CDK10: variants seen among roughly 807,000 people sequenced by gnomAD.
CDK10 encodes the protein cyclin-dependent kinase 10.
CDK10 carries 55 observed loss-of-function variants against 51.0 expected under a neutral mutation model. The ratio of observed to expected loss-of-function variants is 1.08; its 90% confidence interval spans 0.87 to 1.35. The LOEUF (loss-of-function observed/expected upper bound fraction) is 1.35, where lower values mean the gene tolerates loss of function less well. CDK10 is among the 40% of genes most tolerant of loss of function. CDK10 has a pLI of 0.00. For synonymous variants in CDK10, 255 were observed against 199.1 expected, an observed-to-expected ratio of 1.28 and a Z score of -2.36; for missense variants, 589 against 485.1, an observed-to-expected ratio of 1.21 and a Z score of -2.01.
At chr16:89,688,645 G>A (rs976647677) in intron 1 of CDK10, among the ~76,000 whole-genome samples, 5 of 152,150 alleles carry the variant, frequency 3.3e-5, no homozygotes, top group Non-Finnish European at 1.5e-5. Flanking sequence ...ACTGGGTAGC[G>A]TTTCATAACT....
rs907552522 is a variant in CDK10, at chr16:89,695,024, G to C, written c.886G>C (p.Gly296Arg). 1.2e-6 allele frequency: 2 copies of C among 1,613,232 alleles called. No homozygotes were observed. The highest frequency in any genetic ancestry group is 2.2e-5 in the East Asian group (1 of 44,888). Residue 296 changes from glycine to arginine, a missense_variant, in exon 11 of 13, where the codon GGG becomes CGG. By Grantham distance (125) the Gly-to-Arg change is moderately radical (BLOSUM62 -2). Coordinates refer to ENST00000353379, the MANE Select transcript of CDK10 (RefSeq NM_052988.5). ...CAAGTTCCCATGGCTGTCGGAGGCC[G>C]GGCTGCGCCTGCTGCACTTCCTGTT... is the stretch of plus-strand genomic sequence containing the variant. ...KHKFPWLSEAGLRLLHFLFMY... is the reference protein window; with the variant it reads ...KHKFPWLSEARLRLLHFLFMY...
Position 89,691,805 on chromosome 16 carries a change from G to A in CDK10, c.336-1G>A. ...TGGCATGCATCTTCTGTTTCTTCCA[G>A]CATCTTCCTGGTGATGGGTTACTGT... On this transcript the variant is annotated splice_acceptor_variant, in intron 4 of 12. Coordinates refer to ENST00000353379, the MANE Select transcript of CDK10 (RefSeq NM_052988.5). LOFTEE classifies it high-confidence loss of function. 3.1e-6 allele frequency: 5 copies of A among 1,613,788 alleles called. No individual in the cohort carries two copies. The highest frequency in any genetic ancestry group is 4.2e-6 in the Non-Finnish European group (5 of 1,179,792).
chr16:89,693,613 C>G, intron 8 of CDK10, 146 bp downstream of exon 8: 1 of 777,140 alleles, frequency 1.3e-6, no homozygotes. Flanking sequence ...GGGTCTAGGA[C>G]AGCCTCCAGG....
Position 89,691,480 on chromosome 16 carries a change from G to T in CDK10, c.270G>T (p.Leu90=). 1 of 1,613,630 alleles carries T rather than the reference G, an allele frequency of 6.2e-7. No individual in the cohort carries two copies. Among genetic ancestry groups the T allele is most frequent in the Non-Finnish European group, 8.5e-7 (1 of 1,179,842 alleles). The change falls in exon 4 of 13, where the codon CTG becomes CTT. Residue 90 remains leucine, a synonymous_variant. Coordinates refer to ENST00000353379, the MANE Select transcript of CDK10 (RefSeq NM_052988.5). ...GCAGCTTGCGGGAGATCACGCTGCT[G>T]CTCCGCCTGCGTCATCCGAACATCG... ...PISSLREITL[L]LRLRHPNIVE...
At chr16:89,693,726 G>T in intron 8 of CDK10, 2 of 574,030 alleles carry the variant, frequency 3.5e-6, no homozygotes, top group Non-Finnish European at 3.1e-6. Context: ...AAACACCGTG[G>T]CCGTGAAACC....
intron 6 of CDK10, 47 bp downstream of exon 6, chr16:89,692,563 C>A: frequency 6.9e-7 from 1 of 1,452,436 alleles, no homozygotes; most frequent in Non-Finnish European, 9.4e-7. Context: ...CGGCTGAGGC[C>A]TAACTCTGCT....
chr16:89,688,141 G>A (rs1049491971), intron 1 of CDK10, among the ~76,000 whole-genome samples: 2 of 147,684 alleles, frequency 1.4e-5, no homozygotes, highest in Non-Finnish European at 1.5e-5. Context: ...GAGTGCAGTG[G>A]CGCAGTCTCG....
chr16:89,694,595 G>C (rs1230303919), intron 9 of CDK10, 70 bp from the exon 10 acceptor site: 16 of 1,546,050 alleles, frequency 1.0e-5, no homozygotes, highest in Non-Finnish European at 1.4e-5. Flanking sequence ...GCTGCAGTCA[G>C]GTCCTCTGTT....
Position 89,695,086 on chromosome 16 carries a change from C to CG in CDK10, c.932+22dup, listed in dbSNP as rs531781901. 7,416 of 1,607,454 alleles carry CG rather than the reference C, an allele frequency of 4.6e-3. 28 individuals are homozygous for CG. Among genetic ancestry groups the CG allele is most frequent in the Middle Eastern group, 5.5e-3 (33 of 6,052 alleles). On this transcript the variant is annotated intron_variant, in intron 11 of 12. Coordinates refer to ENST00000353379, the MANE Select transcript of CDK10 (RefSeq NM_052988.5). ...CTAAGAAAAGGTGCTGATCTCTGCACGGGGGGCAGGGACCCTCACCACCCA... is the reference window on the plus strand; with the variant it reads ...CTAAGAAAAGGTGCTGATCTCTGCACGGGGGGGCAGGGACCCTCACCACCCA...
In CDK10 at chr16:89,696,353, G is replaced by C; in HGVS notation, c.*661G>C. ...TTGTTGGATAAAAGCTTTTTTAACAGACATGGTTTCACCAGCGTTTAATGT... is the reference window on the plus strand; with the variant it reads ...TTGTTGGATAAAAGCTTTTTTAACACACATGGTTTCACCAGCGTTTAATGT... On this transcript the variant is annotated 3_prime_UTR_variant, in exon 13 of 13. Transcript: ENST00000353379. The C allele has an allele frequency of 5.0e-6, 1 of 201,152 alleles. No homozygotes were observed. The highest frequency in any genetic ancestry group is 1.2e-4 in the South Asian group (1 of 8,466). The allele number at this position is 201,152 out of a possible 1,614,324, so 12.5% of individuals were successfully genotyped here.
chr16:89,690,708 T>C, intron 3 of CDK10, 84 bp downstream of exon 3: 11 of 1,204,714 alleles, frequency 9.1e-6, no homozygotes, highest in Non-Finnish European at 9.9e-6. Context: ...TCAGAGCGAC[T>C]GCACGGTGCT....
At chr16:89,689,542 T>A in intron 2 of CDK10, 1 of 567,876 alleles carries the variant, frequency 1.8e-6, no homozygotes, top group East Asian at 3.0e-5. Flanking sequence ...CTAATGCCCA[T>A]AATCCAAACG....
chr16:89,690,692 G>A (rs1264190123), intron 3 of CDK10, 68 bp downstream of exon 3: 2 of 1,378,596 alleles, frequency 1.5e-6, no homozygotes, highest in Non-Finnish European at 2.1e-6. Context: ...GTTACCTGAA[G>A]TTTCCTCAGA....
In CDK10 at chr16:89,695,803, C is replaced by G. The variant is rs745633622; in HGVS notation, c.*111C>G. The G allele has an allele frequency of 1.9e-6, 3 of 1,559,366 alleles. No individual in the cohort carries two copies. The South Asian group carries it at 3.5e-5, about 18-fold the overall frequency. ...AGGCGCCCGGGATCCAGCTCATCCC[C>G]TTGGCTGGGAACATCCTCCACTGAC... On this transcript the variant is annotated 3_prime_UTR_variant, in exon 13 of 13. Coordinates refer to ENST00000353379, the MANE Select transcript of CDK10 (RefSeq NM_052988.5).
At position 89,690,383 on chromosome 16, in the gene CDK10, C is replaced by G. The variant is rs552151347; in HGVS notation, c.161-170C>G. Reference sequence around the variant, plus strand: ...AATGAGGAAACCCTCCGGGGGAACGCGTCTCGGGCTAGGGGCGTTGCACAG... The same window carrying G: ...AATGAGGAAACCCTCCGGGGGAACGGGTCTCGGGCTAGGGGCGTTGCACAG... On this transcript the variant is annotated intron_variant, in intron 2 of 12. Coordinates refer to ENST00000353379, the MANE Select transcript of CDK10 (RefSeq NM_052988.5). 1.3e-5 allele frequency: 8 copies of G among 634,462 alleles called. No individual in the cohort carries two copies. The Admixed American group carries it at 1.7e-4, about 13-fold the overall frequency. 39.3% of individuals were successfully genotyped at this position (634,462 alleles called of 1,614,324 possible). A position where few individuals can be genotyped will look rare whatever the true frequency, so the allele number is the denominator to read the frequency against.
intron 4 of CDK10, 45 bp downstream of exon 4, chr16:89,691,590 G>A: frequency 6.6e-7 from 1 of 1,511,666 alleles, no homozygotes; most frequent in Non-Finnish European, 9.2e-7. Flanking sequence ...GGGAGCATGT[G>A]TCTTGGGCTA....
chr16:89,695,683 T>C lies in CDK10; in HGVS notation c.1074T>C (p.Cys358=). 6.3e-7 allele frequency: 1 copy of C among 1,598,000 alleles called. No homozygotes were observed. Among genetic ancestry groups the C allele is most frequent in the South Asian group, 1.1e-5 (1 of 88,746 alleles). The change falls in exon 13 of 13, where the codon TGT becomes TGC. Residue 358 remains cysteine (C), a synonymous_variant. Coordinates refer to ENST00000353379, the MANE Select transcript of CDK10 (RefSeq NM_052988.5). ...PATSEGQSKR[C]KP is the part of the protein sequence containing the mutation. ...CCTCCGAGGGCCAGAGCAAGCGCTG[T>C]AAACCCTGACGGTGGGCCTGGCACA... is the stretch of plus-strand genomic sequence containing the variant.
intron 5 of CDK10, 124 bp from the exon 6 acceptor site, chr16:89,692,325 C>T: frequency 1.4e-6 from 1 of 693,710 alleles, no homozygotes; most frequent in South Asian, 2.2e-5. Context: ...CGAGAGCCTT[C>T]TGAGGGCACT....
intron 1 of CDK10, among the ~76,000 whole-genome samples, chr16:89,688,142 C>T (rs536534828): frequency 1.4e-5 from 2 of 139,734 alleles, no homozygotes; most frequent in Admixed American, 7.9e-5. Context: ...AGTGCAGTGG[C>T]GCAGTCTCGG....
Sources: allele counts gnomAD v4.1 joint callset (sites outside exome capture counted in the v4.1 genomes callset), GRCh38; gene constraint gnomAD v4.1.1; transcripts MANE v1.5; gene names NCBI Gene and HGNC (gene_info 2026-07-23, HGNC 2026-07-21).